Variants in CDH13 observed in about 807,000 individuals in gnomAD.
CDH13 encodes cadherin-13.
In CDH13, 24 loss-of-function variants were observed where a neutral mutation model predicts 63.8. The observed-to-expected ratio is 0.38, with a 90% CI of 0.27 to 0.53. The LOEUF (loss-of-function observed/expected upper bound fraction) is 0.53. Among genes scored for constraint, CDH13 ranks in the 20% least tolerant of loss-of-function variants. The probability of loss-of-function intolerance (pLI) is 0.85; values close to 1 mark genes in which losing one functional copy is unlikely to be tolerated. For missense variants in CDH13, 1,049 were observed against 903.1 expected, an observed-to-expected ratio of 1.16 and a Z score of -2.07; for synonymous variants, 503 against 355.3, an observed-to-expected ratio of 1.42 and a Z score of -4.67.
intron 2 of CDH13, among the ~76,000 whole-genome samples, chr16:82,976,708 G>A (rs896700152): frequency 6.6e-5 from 10 of 152,182 alleles, no homozygotes; most frequent in Non-Finnish European, 1.3e-4. Context: ...AAATAGGGCT[G>A]TTGAGTTTCT....
intron 8 of CDH13, among the ~76,000 whole-genome samples, chr16:83,648,943 C>T (rs1218410366): frequency 3.9e-5 from 6 of 152,266 alleles, no homozygotes; most frequent in South Asian, 2.1e-4. Flanking sequence ...CTAGCTTCCC[C>T]GCAACACACA....
chr16:83,421,364 A>G (rs1249915548), intron 6 of CDH13, among the ~76,000 whole-genome samples: 1 of 152,244 alleles, frequency 6.6e-6, no homozygotes, highest in Non-Finnish European at 1.5e-5. Flanking sequence ...GAAGGTAGGC[A>G]GTTAAGAGTG....
intron 7 of CDH13, among the ~76,000 whole-genome samples, chr16:83,499,836 A>G (rs1243870954): frequency 6.6e-6 from 1 of 151,694 alleles, no homozygotes; most frequent in Admixed American, 6.6e-5. Context: ...AAGTCTCGCT[A>G]TTATTGCTCA....
intron 5 of CDH13, among the ~76,000 whole-genome samples, chr16:83,219,342 C>T (rs1020887968): frequency 1.4e-4 from 22 of 152,152 alleles, no homozygotes; most frequent in African/African-American, 4.8e-4. Context: ...TATAATATTA[C>T]GGTAGTTAAA....
At chr16:82,945,002 G>T (rs1462068307) in intron 2 of CDH13, among the ~76,000 whole-genome samples, 1 of 152,176 alleles carries the variant, frequency 6.6e-6, no homozygotes, top group Non-Finnish European at 1.5e-5. Context: ...TAATCTGACA[G>T]TCTGACTTAT....
At chr16:83,495,543 G>T (rs1275497335) in intron 7 of CDH13, among the ~76,000 whole-genome samples, 1 of 152,194 alleles carries the variant, frequency 6.6e-6, no homozygotes, top group African/African-American at 2.4e-5. Flanking sequence ...AAAAAGGCAT[G>T]AGAAGGGGAA....
At chr16:83,766,724 G>A (rs980783442) in intron 11 of CDH13, among the ~76,000 whole-genome samples, 2 of 152,162 alleles carry the variant, frequency 1.3e-5, no homozygotes, top group Non-Finnish European at 2.9e-5. Flanking sequence ...ATCTGATATG[G>A]TTTGGCTGTG....
intron 10 of CDH13, among the ~76,000 whole-genome samples, chr16:83,712,633 T>C (rs1010667011): frequency 1.3e-5 from 2 of 152,332 alleles, no homozygotes; most frequent in African/African-American, 4.8e-5. Context: ...GGTTGCAAGA[T>C]GTGAGGCAAC....
intron 5 of CDH13, among the ~76,000 whole-genome samples, chr16:83,233,094 T>C (rs1461880974): frequency 6.6e-6 from 1 of 152,158 alleles, no homozygotes; most frequent in East Asian, 1.9e-4. Flanking sequence ...TCCCTTGAGA[T>C]TGTCTGCATC....
intron 1 of CDH13, among the ~76,000 whole-genome samples, chr16:82,735,419 G>A (rs1158002111): frequency 1.3e-5 from 2 of 152,196 alleles, no homozygotes; most frequent in Admixed American, 6.5e-5. Flanking sequence ...AGAATGTTGT[G>A]TTGCTAAACT....
At chr16:82,880,977 T>C (rs987101522) in intron 2 of CDH13, among the ~76,000 whole-genome samples, 1 of 152,222 alleles carries the variant, frequency 6.6e-6, no homozygotes, top group African/African-American at 2.4e-5. Context: ...CCTTTAGACA[T>C]TACCCCGTGG....
intron 7 of CDH13, among the ~76,000 whole-genome samples, chr16:83,587,035 C>G (rs1002900571): frequency 6.6e-6 from 1 of 152,152 alleles, no homozygotes; most frequent in Admixed American, 6.5e-5. Context: ...TCTCCGTGGG[C>G]TCCTTTCGTT....
intron 8 of CDH13, among the ~76,000 whole-genome samples, chr16:83,608,832 A>G (rs1908597931): frequency 6.6e-6 from 1 of 152,170 alleles, no homozygotes; most frequent in Admixed American, 6.5e-5. Flanking sequence ...TAATTAAAAT[A>G]TTGTGTTAAT....
intron 8 of CDH13, among the ~76,000 whole-genome samples, chr16:83,650,485 C>G (rs1824587321): frequency 6.6e-6 from 1 of 152,196 alleles, no homozygotes; most frequent in South Asian, 2.1e-4. Context: ...ACACAGGCAA[C>G]TGTCATGTAG....
chr16:83,189,863 C>T (rs559166981), intron 4 of CDH13, among the ~76,000 whole-genome samples: 16 of 152,174 alleles, frequency 1.1e-4, no homozygotes, highest in South Asian at 1.0e-3. Context: ...ATCATGGGGG[C>T]GGCTTTTCTC....
At position 82,655,413 on chromosome 16, in the gene CDH13, G is replaced by A. The variant is rs1056636839; in HGVS notation, c.45+28276G>A. ...CTGAAGTAGATGAGATGGCCATGTG[G>A]ATCTCAAAAGGAAAGTGTATGCCAG... is the stretch of plus-strand genomic sequence containing the variant. On this transcript the variant is annotated intron_variant, in intron 1 of 13. Transcript: ENST00000567109. Among the ~76,000 whole-genome samples the A allele has an allele frequency of 3.0e-4, 45 of 152,166 alleles. 1 individual carries two copies. Among genetic ancestry groups the A allele is most frequent in the African/African-American group, 1.0e-3 (43 of 41,426 alleles).
At chr16:83,012,576 A>G (rs1349501869) in intron 2 of CDH13, among the ~76,000 whole-genome samples, 1 of 152,090 alleles carries the variant, frequency 6.6e-6, no homozygotes, top group Non-Finnish European at 1.5e-5. Flanking sequence ...AACTATATAT[A>G]TATGACAAAT....
chr16:82,847,484 C>T (rs964595593), intron 1 of CDH13, among the ~76,000 whole-genome samples: 2 of 152,174 alleles, frequency 1.3e-5, no homozygotes, highest in African/African-American at 2.4e-5. Context: ...TAACATATCA[C>T]TCTGCCCTCA....
intron 1 of CDH13, among the ~76,000 whole-genome samples, chr16:82,798,207 G>A (rs551484593): frequency 2.0e-5 from 3 of 152,262 alleles, no homozygotes; most frequent in African/African-American, 7.2e-5. Flanking sequence ...AAAAATGACC[G>A]CTTGCAGTGG....
Sources: gnomAD v4.1 joint callset for allele counts (sites outside exome capture counted in the v4.1 genomes callset) on GRCh38, gnomAD v4.1.1 for gene constraint, MANE v1.5 for transcripts, NCBI Gene and HGNC (gene_info 2026-07-23, HGNC 2026-07-21) for gene names.